Variants in COX16 observed in about 807,000 individuals in gnomAD.
The protein encoded by COX16 is cytochrome c oxidase assembly protein COX16 homolog, mitochondrial.
In COX16, 12 loss-of-function variants were observed where a neutral mutation model predicts 15.4. The ratio of observed to expected loss-of-function variants is 0.78; its 90% CI spans 0.50 to 1.26. COX16 has a LOEUF of 1.26. COX16 is among the 50% of genes most tolerant of loss of function. The probability of loss-of-function intolerance (pLI) is 0.00; values close to 1 mark genes in which losing one functional copy is unlikely to be tolerated. For synonymous variants in COX16, 46 were observed against 41.1 expected (o/e 1.12, Z -0.46); for missense variants, 124 against 127.6 (o/e 0.97, Z 0.14).
chr14:70,327,568 T>C (rs932900695), intron 3 of COX16, among the ~76,000 whole-genome samples: 9 of 152,120 alleles, frequency 5.9e-5, no homozygotes, highest in African/African-American at 2.2e-4. Flanking sequence ...CATATATACA[T>C]GAAGGAACAA....
Position 70,357,971 on chromosome 14 carries a change from A to G in COX16, c.69+1548T>C, listed in dbSNP as rs1180975089. ...TGTTCATAGCAGCATTATTCATAAT[A>G]GTCAAAAATTGAAACAACCCAAATG... is the stretch of plus-strand genomic sequence containing the variant. On this transcript the variant is annotated intron_variant, in intron 1 of 3. Coordinates refer to ENST00000389912, the MANE Select transcript of COX16 (RefSeq NM_016468.7). Among the ~76,000 whole-genome samples the G allele has an allele frequency of 3.3e-5, 5 of 152,256 alleles. No homozygotes were observed. The South Asian group carries it at 6.2e-4, about 19-fold the overall frequency.
At chr14:70,350,363 C>T (rs572727167) in intron 1 of COX16, among the ~76,000 whole-genome samples, 1 of 152,110 alleles carries the variant, frequency 6.6e-6, no homozygotes, top group South Asian at 2.1e-4. Context: ...TTGGGGTTGA[C>T]GCCATTTTAG....
intron 2 of COX16, among the ~76,000 whole-genome samples, chr14:70,338,685 C>T (rs1886532513): frequency 6.6e-6 from 1 of 152,130 alleles, no homozygotes; most frequent in Non-Finnish European, 1.5e-5. Context: ...TATGATAATG[C>T]ATGTTCTCAC....
intron 2 of COX16, among the ~76,000 whole-genome samples, chr14:70,337,587 G>C (rs1372266856): frequency 2.0e-5 from 3 of 151,960 alleles, no homozygotes; most frequent in Non-Finnish European, 4.4e-5. Context: ...CATGTTTAAA[G>C]ATAGAATCAT....
intron 1 of COX16, among the ~76,000 whole-genome samples, chr14:70,352,466 C>T (rs1040934861): frequency 3.3e-5 from 5 of 152,156 alleles, no homozygotes; most frequent in African/African-American, 1.2e-4. Flanking sequence ...GGATTACAGG[C>T]ATGAGCCACC....
intron 1 of COX16, among the ~76,000 whole-genome samples, chr14:70,355,318 A>G (rs1324579341): frequency 6.6e-6 from 1 of 152,152 alleles, no homozygotes; most frequent in Non-Finnish European, 1.5e-5. Flanking sequence ...TTCTTTTGCC[A>G]CAGAGTCACT....
At chr14:70,347,032 T>C (rs1363517800) in intron 1 of COX16, among the ~76,000 whole-genome samples, 1 of 152,032 alleles carries the variant, frequency 6.6e-6, no homozygotes, top group East Asian at 1.9e-4. Flanking sequence ...TTAACCCCGC[T>C]GTTTAGAATA....
chr14:70,356,330 G>A (rs769543975), intron 1 of COX16, among the ~76,000 whole-genome samples: 62 of 152,040 alleles, frequency 4.1e-4, no homozygotes, highest in Non-Finnish European at 4.9e-4. Flanking sequence ...AATAGGACTC[G>A]TGCTCCTATG....
At chr14:70,326,504 T>C (rs941080715) in intron 3 of COX16, 55 bp from the exon 4 acceptor site, 42 of 1,382,794 alleles carry the variant, frequency 3.0e-5, no homozygotes, top group Non-Finnish European at 3.6e-5. Flanking sequence ...CCTGTGGCTT[T>C]GATTAGGACA....
intron 1 of COX16, among the ~76,000 whole-genome samples, chr14:70,348,628 T>C (rs566490748): frequency 1.3e-5 from 2 of 152,212 alleles, no homozygotes; most frequent in African/African-American, 4.8e-5. Flanking sequence ...CCCAAAAAGC[T>C]GAATGCACTG....
At chr14:70,328,615 AATG>A (rs1009346904) in intron 3 of COX16, among the ~76,000 whole-genome samples, 46 of 152,272 alleles carry the variant, frequency 3.0e-4, no homozygotes, top group African/African-American at 1.0e-3. Flanking sequence ...TATGTTTAAG[AATG>A]ATACTTATTT....
intron 1 of COX16, among the ~76,000 whole-genome samples, chr14:70,358,001 T>A (rs1378099972): frequency 1.3e-5 from 2 of 151,700 alleles, no homozygotes; most frequent in African/African-American, 4.8e-5. Context: ...CAAATGTTCA[T>A]CAATTGATAA....
chr14:70,357,210 A>G (rs1010024439), intron 1 of COX16, among the ~76,000 whole-genome samples: 1 of 149,052 alleles, frequency 6.7e-6, no homozygotes, highest in Non-Finnish European at 1.5e-5. Context: ...TAATTGTTTA[A>G]CATTATGACT....
At chr14:70,330,988 AAAG>A (rs1358890262) in intron 2 of COX16, among the ~76,000 whole-genome samples, 3 of 147,198 alleles carry the variant, frequency 2.0e-5, no homozygotes, top group Admixed American at 6.6e-5. Context: ...TCATAAAGTA[AAAG>A]AAGAATAAAA....
At chr14:70,355,047 T>C (rs979391001) in intron 1 of COX16, among the ~76,000 whole-genome samples, 1 of 152,124 alleles carries the variant, frequency 6.6e-6, no homozygotes, top group Admixed American at 6.6e-5. Context: ...AATGCTATTA[T>C]TTCTCCTATC....
chr14:70,329,320 C>A, intron 2 of COX16, 84 bp from the exon 3 acceptor site: 7 of 1,194,672 alleles, frequency 5.9e-6, no homozygotes, highest in South Asian at 1.5e-5. Context: ...GAAGAGATGG[C>A]TGAAATACTA....
chr14:70,331,741 T>C (rs1303382165), intron 2 of COX16, among the ~76,000 whole-genome samples: 2 of 39,844 alleles, frequency 5.0e-5, no homozygotes, highest in Non-Finnish European at 1.1e-4. Flanking sequence ...AATTGAAGTA[T>C]GATACAACAC....
intron 2 of COX16, among the ~76,000 whole-genome samples, chr14:70,339,639 CT>C (rs1206239565): frequency 3.3e-5 from 5 of 152,166 alleles, no homozygotes; most frequent in Non-Finnish European, 7.3e-5. Flanking sequence ...CATGCAACCA[CT>C]ATCAGCCTCA....
rs144843758 is a variant in COX16 at position 70,332,285 on chromosome 14, A to C, written c.142-3049T>G. Among the ~76,000 whole-genome samples, 357 of 152,324 alleles carry C rather than the reference A, an allele frequency of 2.3e-3. 2 individuals carry two copies. The highest frequency in any genetic ancestry group is 8.2e-3 in the African/African-American group (340 of 41,574). ...ACAAGGACCCAAAGGGAGACTCAAC[A>C]TATCTGGCAGCCCAGGAGTATAGGC... On this transcript the variant is annotated intron_variant, in intron 2 of 3. Coordinates refer to ENST00000389912, the MANE Select transcript of COX16 (RefSeq NM_016468.7).
Sources: gnomAD v4.1 joint callset for allele counts (sites outside exome capture counted in the v4.1 genomes callset) on GRCh38, gnomAD v4.1.1 for gene constraint, MANE v1.5 for transcripts, NCBI Gene and HGNC (gene_info 2026-07-23, HGNC 2026-07-21) for gene names.